NIBAN1: variants seen among roughly 807,000 people sequenced by gnomAD.
NIBAN1 encodes the protein protein Niban 1.
NIBAN1 carries 81 observed loss-of-function variants against 75.1 expected under a neutral mutation model. The observed-to-expected ratio is 1.08, with a 90% CI of 0.90 to 1.30. The LOEUF is 1.30. Among genes scored for constraint, NIBAN1 ranks in the 50% most tolerant of loss-of-function variants. The pLI, the probability that NIBAN1 is intolerant of heterozygous loss-of-function variation, is 0.00. For missense variants in NIBAN1, 1,133 were observed against 1,128.1 expected (o/e 1.00, Z -0.06); for synonymous variants, 436 against 424.8 (o/e 1.03, Z -0.32).
At position 184,795,749 on chromosome 1, in the gene NIBAN1, T is replaced by C. The variant is rs528756330; in HGVS notation, c.2015A>G (p.Asp672Gly). The change falls in exon 14 of 14, where the codon GAC becomes GGC. Residue 672 changes from aspartate (D) to glycine (G), a missense_variant. Coordinates refer to ENST00000367511, the MANE Select transcript of NIBAN1 (RefSeq NM_052966.4). ...DPVVNPVATE[D>G]TAGLPGTCSS... Reference sequence around the variant, plus strand: ...GCATGTGCCCGGGAGTCCTGCTGTGTCCTCTGTTGCCACAGGATTCACCAC... The same window carrying C: ...GCATGTGCCCGGGAGTCCTGCTGTGCCCTCTGTTGCCACAGGATTCACCAC... 3 of 1,612,350 alleles carry C rather than the reference T, an allele frequency of 1.9e-6. No homozygotes were observed. The highest frequency in any genetic ancestry group is 1.7e-5 in the Admixed American group (1 of 59,922).
At chr1:184,799,557 C>G (rs1433406557) in intron 12 of NIBAN1, among the ~76,000 whole-genome samples, 1 of 142,484 alleles carries the variant, frequency 7.0e-6, no homozygotes. Context: ...GGTATATACC[C>G]AGTAATGGGA....
chr1:184,838,649 T>C (rs1655201681), intron 5 of NIBAN1, among the ~76,000 whole-genome samples: 1 of 151,916 alleles, frequency 6.6e-6, no homozygotes. Context: ...CAGTTATTCA[T>C]GGGGCCAGCC....
intron 9 of NIBAN1, among the ~76,000 whole-genome samples, chr1:184,809,516 ATT>A (rs1169696392): frequency 1.8e-4 from 28 of 151,986 alleles, no homozygotes; most frequent in Admixed American, 1.8e-3. Flanking sequence ...CAATGGAAAC[ATT>A]TTTTAACATG....
chr1:184,864,577 A>G (rs551638703), intron 5 of NIBAN1, among the ~76,000 whole-genome samples: 1 of 152,250 alleles, frequency 6.6e-6, no homozygotes, highest in Non-Finnish European at 1.5e-5. Context: ...TCTTTTGTTA[A>G]GTCACTTCTT....
intron 1 of NIBAN1, among the ~76,000 whole-genome samples, chr1:184,921,715 G>A (rs1469461874): frequency 6.6e-6 from 1 of 152,154 alleles, no homozygotes; most frequent in Non-Finnish European, 1.5e-5. Flanking sequence ...CCAAAGCACA[G>A]CATTATCAAT....
intron 1 of NIBAN1, among the ~76,000 whole-genome samples, chr1:184,946,045 G>T (rs1258878953): frequency 6.6e-6 from 1 of 151,634 alleles, no homozygotes; most frequent in Admixed American, 6.6e-5. Context: ...ATGCAAGAGA[G>T]TTTTGGGTCT....
chr1:184,944,558 G>A (rs56098980), intron 1 of NIBAN1, among the ~76,000 whole-genome samples: 9,474 of 152,324 alleles, frequency 0.062, 320 homozygotes, highest in African/African-American at 0.075. Flanking sequence ...TGGACTTTGG[G>A]TAGGGTTGGA....
chr1:184,878,109 A>G (rs977863952), intron 5 of NIBAN1, among the ~76,000 whole-genome samples: 2 of 152,206 alleles, frequency 1.3e-5, no homozygotes, highest in Non-Finnish European at 2.9e-5. Flanking sequence ...TTGATGGGCC[A>G]AAAGAAGTAT....
chr1:184,908,580 G>A (rs1217215860), intron 1 of NIBAN1, among the ~76,000 whole-genome samples: 1 of 152,080 alleles, frequency 6.6e-6, no homozygotes, highest in African/African-American at 2.4e-5. Flanking sequence ...CTCTTTTTTA[G>A]GAGAGGAAAC....
intron 4 of NIBAN1, among the ~76,000 whole-genome samples, chr1:184,886,398 T>A (rs150372096): frequency 3.3e-5 from 5 of 152,358 alleles, no homozygotes; most frequent in Non-Finnish European, 7.4e-5. Context: ...CATAGCTTTG[T>A]ATCCTTAGCC....
At chr1:184,965,662 G>A (rs961223115) in intron 1 of NIBAN1, among the ~76,000 whole-genome samples, 1 of 152,176 alleles carries the variant, frequency 6.6e-6, no homozygotes, top group African/African-American at 2.4e-5. Context: ...AACGGTGGAG[G>A]GGAGAGGGAG....
intron 1 of NIBAN1, among the ~76,000 whole-genome samples, chr1:184,920,522 A>G (rs1312455816): frequency 6.6e-6 from 1 of 151,890 alleles, no homozygotes; most frequent in Non-Finnish European, 1.5e-5. Context: ...CCTTTAACCA[A>G]CCTCTCCCTA....
At position 184,795,294 on chromosome 1, in the gene NIBAN1, C is replaced by T; in HGVS notation, c.2470G>A (p.Ala824Thr). The change falls in exon 14 of 14, where the codon GCC (alanine) becomes ACC (threonine). Residue 824 changes from alanine (A) to threonine (T), a missense_variant. By Grantham distance (58) the Ala-to-Thr change is moderately conservative. Coordinates refer to ENST00000367511, the MANE Select transcript of NIBAN1 (RefSeq NM_052966.4). ...CACTTGCCCCCTCTTCCTTCATGGGCAGTGAGTGTGCAGGCCTCTCCTGGG... is the reference window on the plus strand; with the variant it reads ...CACTTGCCCCCTCTTCCTTCATGGGTAGTGAGTGTGCAGGCCTCTCCTGGG... ...ELPGEACTLT[A>T]HEGRGGKCTE... The T allele has an allele frequency of 1.2e-6, 2 of 1,612,658 alleles. No homozygotes were observed. The highest frequency in any genetic ancestry group is 1.7e-6 in the Non-Finnish European group (2 of 1,180,012).
chr1:184,917,498 CCT>C (rs1657424153), intron 1 of NIBAN1, among the ~76,000 whole-genome samples: 1 of 151,674 alleles, frequency 6.6e-6, no homozygotes, highest in Non-Finnish European at 1.5e-5. Context: ...CGTGAGCCAC[CCT>C]GCCCGGCCGG....
chr1:184,821,287 A>T (rs1334842191), intron 8 of NIBAN1: 1 of 152,214 alleles, frequency 6.6e-6, no homozygotes, highest in South Asian at 2.1e-4. Context: ...ATCACCATTT[A>T]ATACTCCCCA....
chr1:184,899,421 CCT>C (rs1020502895), intron 1 of NIBAN1, 112 bp from the exon 2 acceptor site: 9 of 1,130,182 alleles, frequency 8.0e-6, no homozygotes, highest in Admixed American at 2.2e-5. Flanking sequence ...TCCAGTCACC[CCT>C]GTTTCTATCC....
rs1654108832 is a variant in NIBAN1 at position 184,803,653 on chromosome 1, A to G, written c.1486T>C (p.Phe496Leu). Reference protein sequence around the residue: ...YDSSTIRKKIFQEALVQITLP... With the variant: ...YDSSTIRKKILQEALVQITLP... The stretch of plus-strand genomic sequence containing the variant: ...GTGATTTGAACTAGTGCCTCTTGAA[A>G]TATCTTCTTTCGGATGGTGCTGCTG... The change falls in exon 12 of 14, where the codon TTT becomes CTT. Residue 496 changes from phenylalanine (F) to leucine (L), a missense_variant. Transcript: ENST00000367511. 6.2e-7 allele frequency: 1 copy of G among 1,614,104 alleles called. No individual in the cohort carries two copies. The highest frequency in any genetic ancestry group is 1.3e-5 in the African/African-American group (1 of 74,928).
intron 2 of NIBAN1, among the ~76,000 whole-genome samples, chr1:184,897,693 C>T (rs375776939): frequency 1.3e-5 from 2 of 152,200 alleles, no homozygotes; most frequent in East Asian, 1.9e-4. Context: ...CAAAAGGGAA[C>T]TCGTGATCCC....
rs574369653 is a variant in NIBAN1 at position 184,890,184 on chromosome 1, A to C, written c.357T>G (p.Leu119=). 2.2e-5 allele frequency: 35 copies of C among 1,613,904 alleles called. No homozygotes were observed. In the African/African-American group the frequency reaches 4.7e-4, roughly 22 times the overall value. Residue 119 remains leucine, a synonymous_variant, in exon 4 of 14, where the codon CTT becomes CTG. Coordinates refer to ENST00000367511, the MANE Select transcript of NIBAN1 (RefSeq NM_052966.4). The part of the protein sequence containing the change: ...QRGAAPKCRI[L]PAGGKVLTSE... ...AGGTTAACACCTTGCCACCGGCTGG[A>C]AGAATTCGACATTTAGGAGCAGCTC...
Sources: allele counts gnomAD v4.1 joint callset (sites outside exome capture counted in the v4.1 genomes callset), GRCh38; gene constraint gnomAD v4.1.1; transcripts MANE v1.5; gene names NCBI Gene and HGNC (gene_info 2026-07-23, HGNC 2026-07-21).